IKZF1: variants seen among roughly 807,000 people sequenced by gnomAD.
IKZF1 encodes the protein DNA-binding protein Ikaros.
A neutral mutation model predicts 51.7 loss-of-function variants in IKZF1; 10 were observed. The observed-to-expected ratio is 0.19, with a 90% CI of 0.12 to 0.33. The LOEUF (loss-of-function observed/expected upper bound fraction) is 0.33, where lower values mean the gene tolerates loss of function less well. Ranked by LOEUF, IKZF1 falls within the 10% of genes least tolerant of loss-of-function variation. The probability of loss-of-function intolerance (pLI) is 1.00; values close to 1 mark genes in which losing one functional copy is unlikely to be tolerated. For missense variants in IKZF1, 484 were observed against 707.5 expected (o/e 0.68, Z 3.58); for synonymous variants, 280 against 282.3 (o/e 0.99, Z 0.08).
intron 3 of IKZF1, chr7:50,367,634 A>C (rs1443792872): frequency 5.8e-6 from 1 of 171,492 alleles, no homozygotes; most frequent in Non-Finnish European, 1.2e-5. Flanking sequence ...ACTTTTGTGG[A>C]GATACGTGCT....
intron 1 of IKZF1, among the ~76,000 whole-genome samples, chr7:50,312,286 C>A (rs552350548): frequency 6.6e-6 from 1 of 152,148 alleles, no homozygotes; most frequent in African/African-American, 2.4e-5. Flanking sequence ...TCTACCATGG[C>A]GGCTCAATAA....
At chr7:50,318,778 G>A (rs1385583103) in intron 1 of IKZF1, among the ~76,000 whole-genome samples, 1 of 152,096 alleles carries the variant, frequency 6.6e-6, no homozygotes, top group Middle Eastern at 3.2e-3. Context: ...TGCATTTTGG[G>A]TTATTATGCA....
chr7:50,387,495 G>A (rs2153488435), intron 6 of IKZF1, 25 bp downstream of exon 6: 2 of 1,594,008 alleles, frequency 1.3e-6, no homozygotes, highest in African/African-American at 1.3e-5. Context: ...TCGGAGGCCA[G>A]CCTGGTGGGC....
rs776917565 is a variant in IKZF1, at chr7:50,382,747, C to T, written c.589+40C>T. 1.0e-5 allele frequency: 16 copies of T among 1,571,958 alleles called. No homozygotes were observed. The South Asian group carries it at 1.8e-4, about 18-fold the overall frequency. On this transcript the variant is annotated intron_variant, in intron 5 of 7. Coordinates refer to ENST00000331340, the MANE Select transcript of IKZF1 (RefSeq NM_006060.6). ...TGCAGTCCGGGGCTGTCTGGGTGTCCCGGGATTCCTCCACTCTGCCCGCCT... is the reference window on the plus strand; with the variant it reads ...TGCAGTCCGGGGCTGTCTGGGTGTCTCGGGATTCCTCCACTCTGCCCGCCT...
intron 3 of IKZF1, among the ~76,000 whole-genome samples, chr7:50,365,621 A>T (rs957703012): frequency 2.6e-5 from 4 of 152,252 alleles, no homozygotes; most frequent in African/African-American, 9.6e-5. Flanking sequence ...ATTAATAAAA[A>T]GTCAAAGAAT....
At chr7:50,378,330 A>C (rs1367480884) in intron 4 of IKZF1, among the ~76,000 whole-genome samples, 2 of 152,168 alleles carry the variant, frequency 1.3e-5, no homozygotes, top group African/African-American at 4.8e-5. Context: ...GACGGATCAC[A>C]CTCAGCCCTA....
Position 50,382,715 on chromosome 7 carries a change from C to A in IKZF1, c.589+8C>A, listed in dbSNP as rs766714615. On this transcript the variant is annotated splice_region_variant and intron_variant, in intron 5 of 7. Transcript: ENST00000331340. Reference sequence around the variant, plus strand: ...ACCTGAGGACGCACTCCGGTAGGTCCCCTGGATGCAGTCCGGGGCTGTCTG... The same window carrying A: ...ACCTGAGGACGCACTCCGGTAGGTCACCTGGATGCAGTCCGGGGCTGTCTG... The A allele has an allele frequency of 6.2e-7, 1 of 1,602,690 alleles. No individual in the cohort carries two copies. The highest frequency in any genetic ancestry group is 1.1e-5 in the South Asian group (1 of 90,520).
In IKZF1 at chr7:50,402,705, T is replaced by TAAA. The variant is rs2153521772; in HGVS notation, c.*2078_*2079insAAA. Reference sequence around the variant, plus strand: ...TAAAAATATATTTCCTCATAAACATTTGAGTTTTGTTGAAAAGATGGAGTT... The same window carrying TAAA: ...TAAAAATATATTTCCTCATAAACATTAAATGAGTTTTGTTGAAAAGATGGAGTT... On this transcript the variant is annotated 3_prime_UTR_variant, in exon 8 of 8. Transcript: ENST00000331340. The TAAA allele has an allele frequency of 4.3e-6, 1 of 230,032 alleles. No individual in the cohort carries two copies. The highest frequency in any genetic ancestry group is 2.2e-5 in the African/African-American group (1 of 45,280). 14.2% of individuals were successfully genotyped at this position (230,032 alleles called of 1,614,324 possible).
At chr7:50,375,590 T>G (rs1303302414) in intron 3 of IKZF1, among the ~76,000 whole-genome samples, 1 of 152,132 alleles carries the variant, frequency 6.6e-6, no homozygotes, top group African/African-American at 2.4e-5. Context: ...CCTACTTTCT[T>G]TAGGAAGAAA....
At chr7:50,394,845 C>T (rs76444093) in intron 7 of IKZF1, among the ~76,000 whole-genome samples, 2,023 of 152,248 alleles carry the variant, frequency 0.013, 45 homozygotes, top group African/African-American at 0.044. Flanking sequence ...CCCTCTGAGA[C>T]CATCAAATAC....
At chr7:50,361,134 T>G (rs1448941023) in intron 3 of IKZF1, among the ~76,000 whole-genome samples, 1 of 152,094 alleles carries the variant, frequency 6.6e-6, no homozygotes, top group African/African-American at 2.4e-5. Context: ...CCTCCAGCCC[T>G]CTTAGTTTTC....
At chr7:50,322,816 G>C (rs1315378572) in intron 2 of IKZF1, among the ~76,000 whole-genome samples, 1 of 152,090 alleles carries the variant, frequency 6.6e-6, no homozygotes, top group African/African-American at 2.4e-5. Flanking sequence ...AGTTATTTTT[G>C]CCTCCTGGAC....
intron 1 of IKZF1, among the ~76,000 whole-genome samples, chr7:50,306,053 ATG>A (rs1333307722): frequency 6.6e-6 from 1 of 152,222 alleles, no homozygotes; most frequent in African/African-American, 2.4e-5. Flanking sequence ...TTATATTAGA[ATG>A]TGTCAGAATT....
At chr7:50,333,892 G>A (rs1324262003) in intron 3 of IKZF1, among the ~76,000 whole-genome samples, 1 of 152,146 alleles carries the variant, frequency 6.6e-6, no homozygotes. Context: ...GGTATTGTCA[G>A]CATGAACATA....
At chr7:50,322,418 G>A (rs1421545349) in intron 2 of IKZF1, among the ~76,000 whole-genome samples, 1 of 152,008 alleles carries the variant, frequency 6.6e-6, no homozygotes, top group African/African-American at 2.4e-5. Flanking sequence ...AAAGCACTGG[G>A]TTATTTGTTC....
chr7:50,382,946 G>C (rs138818054), intron 5 of IKZF1, among the ~76,000 whole-genome samples: 25 of 152,010 alleles, frequency 1.6e-4, no homozygotes, highest in African/African-American at 5.3e-4. Flanking sequence ...TACACACACA[G>C]AAGTCTCACC....
At chr7:50,314,893 G>A (rs1334866954) in intron 1 of IKZF1, among the ~76,000 whole-genome samples, 1 of 152,216 alleles carries the variant, frequency 6.6e-6, no homozygotes, top group Non-Finnish European at 1.5e-5. Context: ...TTTCTCCCCA[G>A]GGGACAGCCA....
intron 3 of IKZF1, among the ~76,000 whole-genome samples, chr7:50,367,163 A>G (rs146404101): frequency 1.3e-4 from 20 of 152,348 alleles, no homozygotes; most frequent in African/African-American, 4.6e-4. Context: ...CACTGGTTTA[A>G]GCAAAGTTCA....
In IKZF1 at chr7:50,318,844, T is replaced by C. The variant is rs201034691; in HGVS notation, c.-14-204T>C. Among the ~76,000 whole-genome samples the C allele has an allele frequency of 2.0e-5, 3 of 152,180 alleles. No individual in the cohort carries two copies. In the East Asian group the frequency reaches 5.8e-4, roughly 29 times the overall value. On this transcript the variant is annotated intron_variant, in intron 1 of 7. Transcript: ENST00000331340. Reference sequence around the variant, plus strand: ...GTCCTCCTGTGCTTGTAATGATATTTTTATAAATCTTTGTAATGCTGTTTT... The same window carrying C: ...GTCCTCCTGTGCTTGTAATGATATTCTTATAAATCTTTGTAATGCTGTTTT...
Sources: gnomAD v4.1 joint callset for allele counts (sites outside exome capture counted in the v4.1 genomes callset) on GRCh38, gnomAD v4.1.1 for gene constraint, MANE v1.5 for transcripts, NCBI Gene and HGNC (gene_info 2026-07-23, HGNC 2026-07-21) for gene names.